Variants in CNFN observed in about 807,000 individuals in gnomAD.
CNFN encodes the protein cornefied envelope protein cornefilin.
A neutral mutation model predicts 14.9 loss-of-function variants in CNFN; 10 were observed. That is an observed-to-expected ratio of 0.67 (90% CI 0.41 to 1.14). The LOEUF (loss-of-function observed/expected upper bound fraction) is 1.14. Among genes scored for constraint, CNFN ranks in the 50% most tolerant of loss-of-function variants. The probability of loss-of-function intolerance (pLI) is 0.00; values close to 1 mark genes in which losing one functional copy is unlikely to be tolerated. For missense variants in CNFN, 165 were observed against 152.8 expected, an observed-to-expected ratio of 1.08 and a Z score of -0.42; for synonymous variants, 66 against 60.0, an observed-to-expected ratio of 1.10 and a Z score of -0.46.
chr19:42,387,493 C>G lies in CNFN; in HGVS notation c.113-17G>C. Reference sequence around the variant, plus strand: ...CGCACAGACCTGGGCGGGGCGCAGGCGCTCAGGGGCGGGGCCAGCCGGGGC... The same window carrying G: ...CGCACAGACCTGGGCGGGGCGCAGGGGCTCAGGGGCGGGGCCAGCCGGGGC... On this transcript the variant is annotated splice_polypyrimidine_tract_variant and intron_variant, in intron 2 of 3. Transcript: ENST00000222032. 1 of 1,541,954 alleles carries G rather than the reference C, an allele frequency of 6.5e-7. No homozygotes were observed. Among genetic ancestry groups the G allele is most frequent in the Non-Finnish European group, 8.7e-7 (1 of 1,146,348 alleles).
intron 2 of CNFN, 50 bp downstream of exon 2, chr19:42,388,876 C>G (rs1482889221): frequency 1.4e-6 from 2 of 1,425,252 alleles, no homozygotes; most frequent in South Asian, 1.2e-5. Flanking sequence ...CCTGATTCCC[C>G]CCAAACCCAT....
Position 42,389,032 on chromosome 19 carries a change from G to T in CNFN, c.6C>A (p.Ser2=). Residue 2 remains serine, a synonymous_variant, in exon 2 of 4, where the codon TCC becomes TCA. Transcript: ENST00000222032. ...ACTGGGGCTGACTGGTCACAGGGTA[G>T]GACATAGCTGCAGAGGTGGGAGGGT... is the stretch of plus-strand genomic sequence containing the variant. M[S]YPVTSQPQCA... is the part of the protein sequence containing the mutation. The T allele has an allele frequency of 6.2e-7, 1 of 1,612,600 alleles. No homozygotes were observed. The highest frequency in any genetic ancestry group is 8.5e-7 in the Non-Finnish European group (1 of 1,179,120).
At position 42,387,411 on chromosome 19, in the gene CNFN, A is replaced by C; in HGVS notation, c.178T>G (p.Cys60Gly). ...CCTCCGGGCAGGTAGGGCGCGCAGCAGCACTCGCCAAAGTCGTCGGAGATG... is the reference window on the plus strand; with the variant it reads ...CCTCCGGGCAGGTAGGGCGCGCAGCCGCACTCGCCAAAGTCGTCGGAGATG... Reference protein sequence around the residue: ...CRISDDFGECCCAPYLPGGLH... With the variant: ...CRISDDFGECGCAPYLPGGLH... The change falls in exon 3 of 4, where the codon TGC (cysteine) becomes GGC (glycine). Residue 60 changes from cysteine to glycine, a missense_variant. Cys to Gly is a radical substitution (Grantham distance 159). Transcript: ENST00000222032. 6.2e-7 allele frequency: 1 copy of C among 1,602,296 alleles called. No homozygotes were observed. The highest frequency in any genetic ancestry group is 8.5e-7 in the Non-Finnish European group (1 of 1,175,912).
chr19:42,388,918 G>A lies in CNFN; in HGVS notation c.112+8C>T, dbSNP rs1225146543. ...CCAGGCCTGGAGAGGGAGCAGGCAG[G>A]CACTCACAGACAGGCATGTCGTTGC... is the stretch of plus-strand genomic sequence containing the variant. On this transcript the variant is annotated splice_region_variant and intron_variant, in intron 2 of 3. Coordinates refer to ENST00000222032, the MANE Select transcript of CNFN (RefSeq NM_032488.4). 5.0e-6 allele frequency: 8 copies of A among 1,600,520 alleles called. No homozygotes were observed. The East Asian group carries it at 1.1e-4, about 22-fold the overall frequency.
intron 1 of CNFN, among the ~76,000 whole-genome samples, chr19:42,389,884 G>A (rs572300089): frequency 1.1e-4 from 17 of 152,336 alleles, no homozygotes; most frequent in Non-Finnish European, 2.2e-4. Context: ...CCAGGTGCCC[G>A]TAGAGATGTC....
rs371905166 is a variant in CNFN at position 42,388,472 on chromosome 19, C to A, written c.112+454G>T. 4.7e-4 allele frequency among the ~76,000 whole-genome samples: 71 copies of A among 152,216 alleles called. 1 individual carries two copies. The highest frequency in any genetic ancestry group is 1.7e-3 in the African/African-American group (69 of 41,526). On this transcript the variant is annotated intron_variant, in intron 2 of 3. Transcript: ENST00000222032. ...CCTCCCAAAGTCCTGGGATTACAGGCGTGAGCCACTGCGCCCGACCTATTT... is the reference window on the plus strand; with the variant it reads ...CCTCCCAAAGTCCTGGGATTACAGGAGTGAGCCACTGCGCCCGACCTATTT...
rs2039862976 is a variant in CNFN at position 42,387,567 on chromosome 19, G to C, written c.113-91C>G. The C allele has an allele frequency of 5.6e-6, 5 of 894,030 alleles. No individual in the cohort carries two copies. The South Asian group carries it at 8.7e-5, about 16-fold the overall frequency. The allele number at this position is 894,030 out of a possible 1,614,324, so 55.4% of individuals were successfully genotyped here. On this transcript the variant is annotated intron_variant, in intron 2 of 3. Coordinates refer to ENST00000222032, the MANE Select transcript of CNFN (RefSeq NM_032488.4). The stretch of plus-strand genomic sequence containing the variant: ...GGGGCGCGGTTGATTCGCCGCGGAG[G>C]GGCATTGAGGGTCCCAGCCAAGGAG...
intron 1 of CNFN, chr19:42,389,516 C>CA (rs879327450): frequency 2.3e-6 from 3 of 1,290,192 alleles, no homozygotes; most frequent in Non-Finnish European, 3.0e-6. Context: ...TCGTGCATCT[C>CA]AAACTGCATC....
chr19:42,387,135 GGA>G lies in CNFN; in HGVS notation c.*16_*17del, dbSNP rs780388685. 15 of 1,613,312 alleles carry G rather than the reference GGA, an allele frequency of 9.3e-6. No homozygotes were observed. The highest frequency in any genetic ancestry group is 3.3e-5 in the Admixed American group (2 of 59,992). On this transcript the variant is annotated 3_prime_UTR_variant, in exon 4 of 4. Transcript: ENST00000222032. ...AGGCGAGACTGGTGGAAAAGGACGGGGAAGACAGGGAACTTCCTTACTCTCGG... is the reference window on the plus strand; with the variant it reads ...AGGCGAGACTGGTGGAAAAGGACGGGAGACAGGGAACTTCCTTACTCTCGG...
chr19:42,388,475 G>T (rs2039872900), intron 2 of CNFN, among the ~76,000 whole-genome samples: 1 of 152,144 alleles, frequency 6.6e-6, no homozygotes. Flanking sequence ...TTACAGGCGT[G>T]AGCCACTGCG....
intron 1 of CNFN, among the ~76,000 whole-genome samples, chr19:42,389,956 G>A (rs1415735927): frequency 6.6e-6 from 1 of 152,256 alleles, no homozygotes; most frequent in African/African-American, 2.4e-5. Flanking sequence ...TCACAGATGA[G>A]CACTGAGGCT....
rs1442945314 is a variant in CNFN, at chr19:42,387,421, A to T, written c.168T>A (p.Phe56Leu). ...GGTAGGGCGCGCAGCAGCACTCGCC[A>T]AAGTCGTCGGAGATGCGGCAGGCAA... ...LCLACRISDDFGECCCAPYLP... is the reference protein window; with the variant it reads ...LCLACRISDDLGECCCAPYLP... Residue 56 changes from phenylalanine (F) to leucine (L), a missense_variant, in exon 3 of 4, where the codon TTT (phenylalanine) becomes TTA (leucine). Phe to Leu is a conservative substitution (Grantham distance 22, BLOSUM62 0). Transcript: ENST00000222032. 1 of 1,602,000 alleles carries T rather than the reference A, an allele frequency of 6.2e-7. No individual in the cohort carries two copies. Among genetic ancestry groups the T allele is most frequent in the Non-Finnish European group, 8.5e-7 (1 of 1,175,834 alleles).
rs758087194 is a variant in CNFN, at chr19:42,387,143, G to A, written c.*10C>T. On this transcript the variant is annotated 3_prime_UTR_variant, in exon 4 of 4. Transcript: ENST00000222032. ...CTGGTGGAAAAGGACGGGGAAGACA[G>A]GGAACTTCCTTACTCTCGGATCTTC... 1 of 1,613,950 alleles carries A rather than the reference G, an allele frequency of 6.2e-7. No individual in the cohort carries two copies. Among genetic ancestry groups the A allele is most frequent in the Admixed American group, 1.7e-5 (1 of 60,008 alleles).
intron 3 of CNFN, 21 bp downstream of exon 3, chr19:42,387,295 AGTCCCCAGCTCCCTGCTCCCGCGG>A (rs2039857746): frequency 1.9e-6 from 3 of 1,604,822 alleles, no homozygotes; most frequent in Middle Eastern, 1.7e-4. Context: ...CCAGGAGGCC[AGTCCCCAGCTCCCTGCTCCCGCGG>A]GTCCCCAGCC....
At chr19:42,389,597 A>G (rs1482580811) in intron 1 of CNFN, 2 of 1,136,066 alleles carry the variant, frequency 1.8e-6, no homozygotes, top group Non-Finnish European at 2.3e-6. Flanking sequence ...AGTCTGTCCA[A>G]GGGACGCTGG....
chr19:42,389,089 T>G, intron 1 of CNFN, 50 bp from the exon 2 acceptor site: 2 of 1,389,518 alleles, frequency 1.4e-6, no homozygotes, highest in Non-Finnish European at 2.0e-6. Flanking sequence ...CAGCATCTCC[T>G]GGGCCCCGCA....
chr19:42,387,995 C>CAAA (rs755521374), intron 2 of CNFN, among the ~76,000 whole-genome samples: 3 of 36,150 alleles, frequency 8.3e-5, no homozygotes, highest in East Asian at 1.9e-3. Context: ...AAACAAAAAA[C>CAAA]AAAACAAAAA....
intron 1 of CNFN, chr19:42,389,602 C>T (rs8108964): frequency 0.082 from 88,921 of 1,082,760 alleles, 4,638 homozygotes; most frequent in Middle Eastern, 0.23. Context: ...GTCCAAGGGA[C>T]GCTGGATACT....
rs2039861790 is a variant in CNFN at position 42,387,493 on chromosome 19, C to A, written c.113-17G>T. The A allele has an allele frequency of 3.2e-6, 5 of 1,541,838 alleles. No individual in the cohort carries two copies. The highest frequency in any genetic ancestry group is 3.5e-6 in the Non-Finnish European group (4 of 1,146,356). On this transcript the variant is annotated splice_polypyrimidine_tract_variant and intron_variant, in intron 2 of 3. Transcript: ENST00000222032. ...CGCACAGACCTGGGCGGGGCGCAGG[C>A]GCTCAGGGGCGGGGCCAGCCGGGGC...
Sources: gnomAD v4.1 joint callset for allele counts (sites outside exome capture counted in the v4.1 genomes callset) on GRCh38, gnomAD v4.1.1 for gene constraint, MANE v1.5 for transcripts, NCBI Gene and HGNC (gene_info 2026-07-23, HGNC 2026-07-21) for gene names.